The following FAM228B variants were observed in gnomAD, a reference collection of about 807,000 sequenced individuals.
FAM228B encodes family with sequence similarity 228 member B.
Under a neutral mutation model 42.6 loss-of-function variants are expected in FAM228B, and 38 were observed. The observed-to-expected ratio is 0.89, with a 90% confidence interval of 0.69 to 1.17. The LOEUF (loss-of-function observed/expected upper bound fraction) is 1.17. Ranked by LOEUF, FAM228B falls within the 50% of genes most tolerant of loss-of-function variation. The pLI is 0.00. For synonymous variants in FAM228B, 109 were observed against 122.3 expected (o/e 0.89, Z 0.72); for missense variants, 344 against 367.3 (o/e 0.94, Z 0.52).
chr2:24,146,791 A>G lies in FAM228B; in HGVS notation c.485A>G (p.Tyr162Cys), dbSNP rs61750460. Residue 162 changes from tyrosine to cysteine, a missense_variant, in exon 6 of 11, where the codon TAT (tyrosine) becomes TGT (cysteine). Physicochemically the swap from Tyr to Cys is radical, Grantham distance 194. Coordinates refer to ENST00000615575, the MANE Select transcript of FAM228B (RefSeq NM_001145710.2). ...PFHDPLKKAQ[Y>C]DKDNEKRTLL... ...CATGACCCTTTGAAAAAAGCACAAT[A>G]TGACAAGGATAACGAAAAAAGAACT... 5 of 1,550,330 alleles carry G rather than the reference A, an allele frequency of 3.2e-6. No individual in the cohort carries two copies. The highest frequency in any genetic ancestry group is 1.7e-4 in the Middle Eastern group (1 of 5,984).
In FAM228B at chr2:24,162,078, G is replaced by A. The variant is rs530079971; in HGVS notation, c.794+465G>A. On this transcript the variant is annotated intron_variant, in intron 8 of 10. Coordinates refer to ENST00000615575, the MANE Select transcript of FAM228B (RefSeq NM_001145710.2). ...TGTGCCACTGCACTCCAGCTTGGGC[G>A]ACAGAGCAAGACTCTGTCTCAAAAA... Among the ~76,000 whole-genome samples, 106 of 152,250 alleles carry A rather than the reference G, an allele frequency of 7.0e-4. 1 individual carries two copies. Among genetic ancestry groups the A allele is most frequent in the Admixed American group, 2.3e-3 (35 of 15,294 alleles).
At chr2:24,119,783 G>A (rs1383123884), upstream of FAM228B, 3 of 790,792 alleles carry the variant, frequency 3.8e-6, no homozygotes, top group Admixed American at 4.6e-5. Context: ...ATTTCCATAT[G>A]TTTGGAATAT....
chr2:24,107,514 A>G (rs1665721079), intron 3 of FAM228B, among the ~76,000 whole-genome samples: 1 of 152,176 alleles, frequency 6.6e-6, no homozygotes, highest in Admixed American at 6.6e-5. Flanking sequence ...TCCAAAATCA[A>G]CCAGACAATC....
At chr2:24,138,158 T>C in intron 4 of FAM228B, 58 bp downstream of exon 4, 1 of 1,314,212 alleles carries the variant, frequency 7.6e-7, no homozygotes, top group Non-Finnish European at 1.0e-6. Flanking sequence ...GTCATCTTTG[T>C]TCATTTATAA....
intron 9 of FAM228B, chr2:24,165,736 A>G (rs1667388689): frequency 3.2e-6 from 1 of 314,276 alleles, no homozygotes; most frequent in African/African-American, 2.2e-5. Context: ...TAAAATGGAA[A>G]GTTTATAGAA....
intron 7 of FAM228B, among the ~76,000 whole-genome samples, chr2:24,156,781 C>T (rs1034627134): frequency 1.4e-5 from 2 of 142,742 alleles, no homozygotes; most frequent in South Asian, 2.5e-4. Context: ...TCCGCCCCCC[C>T]CCCCCCAGCT....
intron 8 of FAM228B, among the ~76,000 whole-genome samples, chr2:24,161,936 T>C (rs891506163): frequency 6.6e-6 from 1 of 152,126 alleles, no homozygotes; most frequent in Non-Finnish European, 1.5e-5. Flanking sequence ...CTGTCTCTAC[T>C]AAAAATATAA....
At chr2:24,158,661 T>G (rs959253732) in intron 7 of FAM228B, among the ~76,000 whole-genome samples, 14 of 152,082 alleles carry the variant, frequency 9.2e-5, no homozygotes, top group Non-Finnish European at 5.9e-5. Context: ...ATCCACATTT[T>G]TGGTAATAAG....
intron 2 of FAM228B, among the ~76,000 whole-genome samples, chr2:24,088,347 T>TTATA (rs34384131): frequency 5.3e-4 from 81 of 151,766 alleles, no homozygotes; most frequent in East Asian, 3.9e-4. Flanking sequence ...CATCCCTTTA[T>TTATA]TATATATATA....
At chr2:24,098,198 A>G (rs1055048496) in intron 3 of FAM228B, among the ~76,000 whole-genome samples, 2 of 152,206 alleles carry the variant, frequency 1.3e-5, no homozygotes, top group African/African-American at 2.4e-5. Flanking sequence ...TCTAAAATTG[A>G]CACCCTAAAA....
intron 2 of FAM228B, among the ~76,000 whole-genome samples, chr2:24,130,816 G>A (rs905710283): frequency 6.6e-6 from 1 of 152,068 alleles, no homozygotes; most frequent in Non-Finnish European, 1.5e-5. Flanking sequence ...GATCACATTT[G>A]TCAATTTTGG....
intron 5 of FAM228B, among the ~76,000 whole-genome samples, chr2:24,143,153 C>A (rs1165585690): frequency 1.3e-5 from 2 of 151,856 alleles, no homozygotes; most frequent in African/African-American, 4.9e-5. Flanking sequence ...AATACTCCTA[C>A]CTTTTTCTTT....
chr2:24,083,715 A>T lies in FAM228B; in HGVS notation c.-210+2760A>T, dbSNP rs973299602. 6.6e-5 allele frequency among the ~76,000 whole-genome samples: 10 copies of T among 152,198 alleles called. 1 individual carries two copies. Among genetic ancestry groups the T allele is most frequent in the Admixed American group, 6.5e-4 (10 of 15,278 alleles). Reference sequence around the variant, plus strand: ...AGCATCAGACAGAAGAAAATTCTTAAGAGTACTGCCCGCTGTCAGCTCCGG... The same window carrying T: ...AGCATCAGACAGAAGAAAATTCTTATGAGTACTGCCCGCTGTCAGCTCCGG... On this transcript the variant is annotated intron_variant, in intron 2 of 10. Coordinates refer to the FAM228B transcript ENST00000613899.
rs1416644461 is a variant in FAM228B at position 24,084,733 on chromosome 2, C to CT, written c.-210+3779dup. 1.9e-5 allele frequency: 3 copies of CT among 161,330 alleles called. No homozygotes were observed. The highest frequency in any genetic ancestry group is 7.2e-5 in the African/African-American group (3 of 41,720). The allele number at this position is 161,330 out of a possible 1,614,324, so 10.0% of individuals were successfully genotyped here. A position where few individuals can be genotyped will look rare whatever the true frequency, so the allele number is the denominator to read the frequency against. The stretch of plus-strand genomic sequence containing the variant: ...CGGCGCCCGTATGAGTTACTTACTC[C>CT]TGGCCCGGCTCCCCTCCCATGCACC... On this transcript the variant is annotated intron_variant, in intron 2 of 10. Transcript: ENST00000613899. The surrounding 1 kb of genome is among the most constrained non-coding windows in gnomAD (Gnocchi z 8.4).
chr2:24,168,102 T>G (rs1667470353), intron 10 of FAM228B: 2 of 196,394 alleles, frequency 1.0e-5, no homozygotes, highest in Non-Finnish European at 2.2e-5. Flanking sequence ...TCAGTATCTT[T>G]GTAGATGCTC....
At chr2:24,117,332 A>G (rs1490696074) in intron 3 of FAM228B, among the ~76,000 whole-genome samples, 1 of 152,086 alleles carries the variant, frequency 6.6e-6, no homozygotes, top group Non-Finnish European at 1.5e-5. Context: ...TTTGTGTGAC[A>G]GAAGTAGCAT....
intron 3 of FAM228B, among the ~76,000 whole-genome samples, chr2:24,103,848 G>C (rs1250947646): frequency 6.6e-6 from 1 of 152,198 alleles, no homozygotes; most frequent in Admixed American, 6.6e-5. Flanking sequence ...TTTGTAAGAA[G>C]AAATTATTGG....
Position 24,084,539 on chromosome 2 carries a change from G to A in FAM228B, c.-210+3584G>A, listed in dbSNP as rs2150988268. ...CGGCCTCCGCCCCGAGCTCCTGCCT[G>A]GGAAGTCCTCGGCCGCCTCCAGACC... is the stretch of plus-strand genomic sequence containing the variant. On this transcript the variant is annotated intron_variant, in intron 2 of 10. Coordinates refer to the FAM228B transcript ENST00000613899. The surrounding 1 kb of genome is among the most constrained non-coding windows in gnomAD (Gnocchi z 8.4). 3.2e-6 allele frequency: 2 copies of A among 624,990 alleles called. No homozygotes were observed. Among genetic ancestry groups the A allele is most frequent in the South Asian group, 5.1e-5 (2 of 39,520 alleles). 38.7% of individuals were successfully genotyped at this position (624,990 alleles called of 1,614,324 possible). A position where few individuals can be genotyped will look rare whatever the true frequency, so the allele number is the denominator to read the frequency against.
upstream of FAM228B, among the ~76,000 whole-genome samples, chr2:24,122,070 GC>G (rs1471326717): frequency 6.6e-6 from 1 of 152,196 alleles, no homozygotes; most frequent in African/African-American, 2.4e-5. Flanking sequence ...GGTGGCTCAT[GC>G]CTGTAATCCC....
Sources: allele counts gnomAD v4.1 joint callset (sites outside exome capture counted in the v4.1 genomes callset), GRCh38; gene constraint gnomAD v4.1.1; non-coding constraint Gnocchi (gnomAD v3.1); transcripts MANE v1.5; gene names NCBI Gene and HGNC (gene_info 2026-07-23, HGNC 2026-07-21).